The following OGFRL1 variants were observed in gnomAD, a reference collection of about 807,000 sequenced individuals.
OGFRL1 encodes the protein opioid growth factor receptor-like protein 1.
Under a neutral mutation model 32.4 loss-of-function variants are expected in OGFRL1, and 26 were observed. The observed-to-expected ratio is 0.80, with a 90% CI of 0.59 to 1.11. The LOEUF is 1.11. Ranked by LOEUF, OGFRL1 falls within the 50% of genes most tolerant of loss-of-function variation. The pLI, the probability that OGFRL1 is intolerant of heterozygous loss-of-function variation, is 0.00. For synonymous variants in OGFRL1, 211 were observed against 201.2 expected, an observed-to-expected ratio of 1.05 and a Z score of -0.41; for missense variants, 521 against 546.4, an observed-to-expected ratio of 0.95 and a Z score of 0.46.
rs79651598 is a variant in OGFRL1, at chr6:71,298,760, A to C, written c.692+1943A>C. Among the ~76,000 whole-genome samples the C allele has an allele frequency of 9.0e-4, 137 of 152,316 alleles. 3 individuals are homozygous for C. The East Asian group carries it at 0.025, about 28-fold the overall frequency. On this transcript the variant is annotated intron_variant, in intron 6 of 6. Transcript: ENST00000370435. ...TTCTTCTCTAGTTTAGTTGCAAAAA[A>C]TCTTTACTGACTAGATTTGAACAAA...
In OGFRL1 at chr6:71,289,043, C is replaced by T. The variant is rs750601440; in HGVS notation, c.107C>T (p.Pro36Leu). The change falls in exon 1 of 7, where the codon CCG (proline) becomes CTG (leucine). Residue 36 changes from proline (P) to leucine (L), a missense_variant. By Grantham distance (98) the Pro-to-Leu change is moderately conservative. Coordinates refer to ENST00000370435, the MANE Select transcript of OGFRL1 (RefSeq NM_024576.5). The stretch of plus-strand genomic sequence containing the variant: ...GAGCCCGAGCCCGAAGAACCAGGGC[C>T]GGGCGGCGGCAGCGAGGGCCCGGGG... The part of the protein sequence containing the change: ...DSEPEPEEPG[P>L]GGGSEGPGQE... The T allele has an allele frequency of 1.1e-5, 14 of 1,308,016 alleles. No homozygotes were observed. The highest frequency in any genetic ancestry group is 1.4e-5 in the Non-Finnish European group (14 of 1,011,710). The allele number at this position is 1,308,016 out of a possible 1,614,324, so 81.0% of individuals were successfully genotyped here. A position where few individuals can be genotyped will look rare whatever the true frequency, so the allele number is the denominator to read the frequency against.
Position 71,307,000 on chromosome 6 carries a change from T to G in OGFRL1, c.*4951T>G, listed in dbSNP as rs1227545157. 6.6e-6 allele frequency: 1 copy of G among 152,236 alleles called. No homozygotes were observed. Among genetic ancestry groups the G allele is most frequent in the Non-Finnish European group, 1.5e-5 (1 of 68,042 alleles). 9.4% of individuals were successfully genotyped at this position (152,236 alleles called of 1,614,324 possible). A position where few individuals can be genotyped will look rare whatever the true frequency, so the allele number is the denominator to read the frequency against. ...CACTGTTCTTGCATTTTTCCTAGAC[T>G]ACAGAGAGTGTTCTTTGTCATTTTT... is the stretch of plus-strand genomic sequence containing the variant. On this transcript the variant is annotated 3_prime_UTR_variant, in exon 7 of 7. Coordinates refer to ENST00000370435, the MANE Select transcript of OGFRL1 (RefSeq NM_024576.5).
rs1766472672 is a variant in OGFRL1 at position 71,303,971 on chromosome 6, C to A, written c.*1922C>A. ...TTAGGCTTTTAAGAAAAGTTCTATTCATTTTAATCCCCTAGGGAATTTGTA... is the reference window on the plus strand; with the variant it reads ...TTAGGCTTTTAAGAAAAGTTCTATTAATTTTAATCCCCTAGGGAATTTGTA... On this transcript the variant is annotated 3_prime_UTR_variant, in exon 7 of 7. Coordinates refer to ENST00000370435, the MANE Select transcript of OGFRL1 (RefSeq NM_024576.5). The A allele has an allele frequency of 6.6e-6, 1 of 152,140 alleles. No homozygotes were observed. Among genetic ancestry groups the A allele is most frequent in the African/African-American group, 2.4e-5 (1 of 41,454 alleles). 9.4% of individuals were successfully genotyped at this position (152,140 alleles called of 1,614,324 possible).
chr6:71,289,548 TAAAAAAAAAAA>T lies in OGFRL1; in HGVS notation c.234+400_234+410del, dbSNP rs1158690810. On this transcript the variant is annotated intron_variant, in intron 1 of 6. Transcript: ENST00000370435. The stretch of plus-strand genomic sequence containing the variant: ...CAACCCCTCTAGTGTGTGTTATTGG[TAAAAAAAAAAA>T]AAAAAAAAAAAAAAAAAAAAATTAC... 7.4e-3 allele frequency: 3,995 copies of T among 541,118 alleles called. 5 individuals carry two copies. Among genetic ancestry groups the T allele is most frequent in the Non-Finnish European group, 8.0e-3 (3,819 of 479,462 alleles). The allele number at this position is 541,118 out of a possible 1,614,324, so 33.5% of individuals were successfully genotyped here. A position where few individuals can be genotyped will look rare whatever the true frequency, so the allele number is the denominator to read the frequency against.
intron 6 of OGFRL1, 59 bp downstream of exon 6, chr6:71,296,876 G>C: frequency 6.4e-7 from 1 of 1,553,128 alleles, no homozygotes; most frequent in African/African-American, 1.4e-5. Context: ...CTTGGTCAGA[G>C]TTCTCTATGA....
intron 1 of OGFRL1, among the ~76,000 whole-genome samples, chr6:71,290,219 A>G (rs1766006090): frequency 6.6e-6 from 1 of 152,104 alleles, no homozygotes; most frequent in Non-Finnish European, 1.5e-5. Context: ...CTTAGAGAGA[A>G]AGGAAAACTT....
At chr6:71,299,778 CAA>C (rs963220978) in intron 6 of OGFRL1, among the ~76,000 whole-genome samples, 1 of 152,140 alleles carries the variant, frequency 6.6e-6, no homozygotes, top group Non-Finnish European at 1.5e-5. Flanking sequence ...TGTATTGTCT[CAA>C]GAGTGTTACT....
At chr6:71,289,510 T>G (rs1276110683) in intron 1 of OGFRL1, 2 of 931,976 alleles carry the variant, frequency 2.1e-6, no homozygotes, top group Non-Finnish European at 2.5e-6. Flanking sequence ...TGTCTAAAAA[T>G]AGAGGATTTT....
chr6:71,306,772 A>C lies in OGFRL1; in HGVS notation c.*4723A>C, dbSNP rs1022446099. On this transcript the variant is annotated 3_prime_UTR_variant, in exon 7 of 7. Coordinates refer to ENST00000370435, the MANE Select transcript of OGFRL1 (RefSeq NM_024576.5). ...TATTTATGCTTTTTGTAGTTTAGCT[A>C]CATACTATAATTTTCATTTTAAACG... 3.3e-5 allele frequency: 5 copies of C among 152,204 alleles called. No homozygotes were observed. The highest frequency in any genetic ancestry group is 5.9e-5 in the Non-Finnish European group (4 of 68,020). 9.4% of individuals were successfully genotyped at this position (152,204 alleles called of 1,614,324 possible).
At chr6:71,292,720 AGAT>A (rs762340392) in intron 1 of OGFRL1, among the ~76,000 whole-genome samples, 2 of 152,226 alleles carry the variant, frequency 1.3e-5, no homozygotes, top group Admixed American at 6.5e-5. Context: ...TTCAGTGAAC[AGAT>A]GATTATTCAT....
intron 3 of OGFRL1, 79 bp from the exon 4 acceptor site, chr6:71,296,238 A>C: frequency 1.0e-6 from 1 of 965,218 alleles, no homozygotes; most frequent in Admixed American, 2.2e-5. Flanking sequence ...TTTTCATATA[A>C]AACTCAAGTG....
chr6:71,289,455 C>T (rs888321614), intron 1 of OGFRL1: 32 of 982,662 alleles, frequency 3.3e-5, no homozygotes, highest in Non-Finnish European at 3.6e-5. Flanking sequence ...TTTTCTTTGC[C>T]TCTGCAGAGC....
rs1387543031 is a variant in OGFRL1, at chr6:71,308,865, C to G, written c.*6816C>G. 1.3e-5 allele frequency: 2 copies of G among 152,090 alleles called. No homozygotes were observed. Among genetic ancestry groups the G allele is most frequent in the African/African-American group, 2.4e-5 (1 of 41,412 alleles). 9.4% of individuals were successfully genotyped at this position (152,090 alleles called of 1,614,324 possible). ...TCCTGTAAAACTAATAAAAGCCACTCCATCTTAGATAACATTTTAGCATTG... is the reference window on the plus strand; with the variant it reads ...TCCTGTAAAACTAATAAAAGCCACTGCATCTTAGATAACATTTTAGCATTG... On this transcript the variant is annotated 3_prime_UTR_variant, in exon 7 of 7. Coordinates refer to ENST00000370435, the MANE Select transcript of OGFRL1 (RefSeq NM_024576.5).
At chr6:71,297,085 G>A (rs75055844) in intron 6 of OGFRL1, among the ~76,000 whole-genome samples, 7,322 of 152,170 alleles carry the variant, frequency 0.048, 567 homozygotes, top group African/African-American at 0.17. Context: ...ACAGCCAAAT[G>A]TTGCTTCTCT....
Position 71,303,362 on chromosome 6 carries a change from A to T in OGFRL1, c.*1313A>T, listed in dbSNP as rs1447378065. On this transcript the variant is annotated 3_prime_UTR_variant, in exon 7 of 7. Transcript: ENST00000370435. ...CTATATTGAAATCTACATGGAACAG[A>T]GTGGGACTTCTAATTGTATGACTTC... The T allele has an allele frequency of 6.6e-6, 1 of 152,228 alleles. No individual in the cohort carries two copies. The highest frequency in any genetic ancestry group is 1.5e-5 in the Non-Finnish European group (1 of 68,038). 9.4% of individuals were successfully genotyped at this position (152,228 alleles called of 1,614,324 possible). A position where few individuals can be genotyped will look rare whatever the true frequency, so the allele number is the denominator to read the frequency against.
chr6:71,288,837 C>A lies in OGFRL1; in HGVS notation c.-100C>A. On this transcript the variant is annotated 5_prime_UTR_variant, in exon 1 of 7. Coordinates refer to ENST00000370435, the MANE Select transcript of OGFRL1 (RefSeq NM_024576.5). ...GTGCGGGGCGGGCGCGCCTAGGCTGCCGCCCAGCGCCCTCGCCGCGGCCAT... is the reference window on the plus strand; with the variant it reads ...GTGCGGGGCGGGCGCGCCTAGGCTGACGCCCAGCGCCCTCGCCGCGGCCAT... The A allele has an allele frequency of 1.1e-6, 1 of 890,304 alleles. No homozygotes were observed. Among genetic ancestry groups the A allele is most frequent in the Non-Finnish European group, 1.4e-6 (1 of 734,460 alleles). 55.2% of individuals were successfully genotyped at this position (890,304 alleles called of 1,614,324 possible).
Position 71,302,015 on chromosome 6 carries a change from A to G in OGFRL1, c.1322A>G (p.Asn441Ser). Residue 441 changes from asparagine (N) to serine (S), a missense_variant, in exon 7 of 7, where the codon AAT becomes AGT. Physicochemically the swap from Asn to Ser is conservative, Grantham distance 46 (BLOSUM62 1). Coordinates refer to ENST00000370435, the MANE Select transcript of OGFRL1 (RefSeq NM_024576.5). Reference protein sequence around the residue: ...NDNQDNENPGNTNCHDVVLVQ With the variant: ...NDNQDNENPGSTNCHDVVLVQ Reference sequence around the variant, plus strand: ...AACCAAGACAATGAAAATCCTGGAAATACAAATTGCCATGATGTTGTACTA... The same window carrying G: ...AACCAAGACAATGAAAATCCTGGAAGTACAAATTGCCATGATGTTGTACTA... 6.3e-7 allele frequency: 1 copy of G among 1,591,436 alleles called. No homozygotes were observed. The highest frequency in any genetic ancestry group is 8.5e-7 in the Non-Finnish European group (1 of 1,172,506).
chr6:71,289,134 G>A lies in OGFRL1; in HGVS notation c.198G>A (p.Ala66=). The part of the protein sequence containing the change: ...QAGGRPGASP[A]PDEDAEAAGA... The stretch of plus-strand genomic sequence containing the variant: ...GCGGGCGGCCCGGCGCCAGCCCCGC[G>A]CCGGACGAGGACGCCGAGGCGGCGG... The change falls in exon 1 of 7, where the codon GCG becomes GCA. Residue 66 remains alanine, a synonymous_variant. Coordinates refer to ENST00000370435, the MANE Select transcript of OGFRL1 (RefSeq NM_024576.5). 9.1e-7 allele frequency: 1 copy of A among 1,103,946 alleles called. No homozygotes were observed. The highest frequency in any genetic ancestry group is 1.1e-6 in the Non-Finnish European group (1 of 908,308). 68.4% of individuals were successfully genotyped at this position (1,103,946 alleles called of 1,614,324 possible). A position where few individuals can be genotyped will look rare whatever the true frequency, so the allele number is the denominator to read the frequency against.
rs1428631319 is a variant in OGFRL1 at position 71,305,814 on chromosome 6, T to C, written c.*3765T>C. ...CATAGTAGTAAATGAACCTCAACAC[T>C]GAGTGGTCAAAAATTGGGTTAACCA... On this transcript the variant is annotated 3_prime_UTR_variant, in exon 7 of 7. Coordinates refer to ENST00000370435, the MANE Select transcript of OGFRL1 (RefSeq NM_024576.5). 1 of 152,160 alleles carries C rather than the reference T, an allele frequency of 6.6e-6. No individual in the cohort carries two copies. The highest frequency in any genetic ancestry group is 1.5e-5 in the Non-Finnish European group (1 of 67,988). The allele number at this position is 152,160 out of a possible 1,614,324, so 9.4% of individuals were successfully genotyped here.
Sources: allele counts gnomAD v4.1 joint callset (sites outside exome capture counted in the v4.1 genomes callset), GRCh38; gene constraint gnomAD v4.1.1; transcripts MANE v1.5; gene names NCBI Gene and HGNC (gene_info 2026-07-23, HGNC 2026-07-21).